ZRANB3: variants seen among roughly 807,000 people sequenced by gnomAD.
The protein encoded by ZRANB3 is zinc finger RANBP2-type containing 3.
Under a neutral mutation model 133.8 loss-of-function variants are expected in ZRANB3, and 125 were observed. The ratio of observed to expected loss-of-function variants is 0.93; its 90% CI spans 0.81 to 1.08. The LOEUF (loss-of-function observed/expected upper bound fraction) is 1.08. ZRANB3 is among the 50% of genes least tolerant of loss of function. The probability of loss-of-function intolerance (pLI) is 0.00; values close to 1 mark genes in which losing one functional copy is unlikely to be tolerated. For missense variants in ZRANB3, 1,229 were observed against 1,275.5 expected, an observed-to-expected ratio of 0.96 and a Z score of 0.56; for synonymous variants, 387 against 432.7, an observed-to-expected ratio of 0.89 and a Z score of 1.31.
At chr2:135,511,419 T>G in intron 1 of ZRANB3, 1 of 814,614 alleles carries the variant, frequency 1.2e-6, no homozygotes, top group Middle Eastern at 2.3e-4. Context: ...AACTGCCTGA[T>G]CACAGAAAGT....
At chr2:135,456,907 GC>G (rs1690544337) in intron 2 of ZRANB3, among the ~76,000 whole-genome samples, 1 of 152,180 alleles carries the variant, frequency 6.6e-6, no homozygotes, top group Non-Finnish European at 1.5e-5. Context: ...TGTAGGAGGG[GC>G]AGGATTGACA....
intron 2 of ZRANB3, among the ~76,000 whole-genome samples, chr2:135,410,465 C>T (rs1484197401): frequency 6.6e-6 from 1 of 152,134 alleles, no homozygotes; most frequent in Non-Finnish European, 1.5e-5. Context: ...CTCTACATAT[C>T]ACCATATATA....
At chr2:135,442,977 A>T (rs1026222989) in intron 2 of ZRANB3, among the ~76,000 whole-genome samples, 5 of 151,928 alleles carry the variant, frequency 3.3e-5, no homozygotes, top group African/African-American at 1.2e-4. Context: ...TTAGCCAGGC[A>T]TGGTGGCGGG....
At chr2:135,243,728 C>T (rs532234410) in intron 12 of ZRANB3, among the ~76,000 whole-genome samples, 6 of 152,116 alleles carry the variant, frequency 3.9e-5, no homozygotes, top group African/African-American at 1.4e-4. Context: ...AAGAGATGCT[C>T]TTGCCTCAGC....
chr2:135,338,259 T>C (rs998789184), intron 6 of ZRANB3, among the ~76,000 whole-genome samples: 2 of 152,194 alleles, frequency 1.3e-5, no homozygotes, highest in African/African-American at 2.4e-5. Flanking sequence ...CCATTGGGAA[T>C]AGAATACTGG....
chr2:135,207,885 A>G (rs547440239), intron 18 of ZRANB3, 49 bp from the exon 19 acceptor site: 1 of 1,516,964 alleles, frequency 6.6e-7, no homozygotes, highest in Non-Finnish European at 8.9e-7. Flanking sequence ...TGATTAGGCT[A>G]AATAGTAATT....
At chr2:135,232,741 T>C (rs546089561) in intron 12 of ZRANB3, among the ~76,000 whole-genome samples, 11 of 152,226 alleles carry the variant, frequency 7.2e-5, no homozygotes, top group Admixed American at 5.9e-4. Flanking sequence ...GTCCTGACTG[T>C]TAGAAGGAAA....
intron 1 of ZRANB3, chr2:135,510,919 GT>G: frequency 9.5e-7 from 1 of 1,048,890 alleles, no homozygotes; most frequent in Non-Finnish European, 1.5e-6. Context: ...CCAATGAAGA[GT>G]TGGTGACTGT....
rs1694957975 is a variant in ZRANB3 at position 135,230,588 on chromosome 2, AT to A, written c.1878del (p.Gln626HisfsTer30). Reference sequence around the variant, plus strand: ...TTATTGATATAGGTGCAGAGACTACATTGCCAGCCCTCTACAGGAAAGGCTG... The same window carrying A: ...TTATTGATATAGGTGCAGAGACTACATGCCAGCCCTCTACAGGAAAGGCTG... ...TTPAFPVEGW[Q>X]CSLCTYINNS... On this transcript the variant is annotated frameshift_variant, in exon 13 of 21. Transcript: ENST00000264159. LOFTEE classifies it high-confidence loss of function. 6.2e-7 allele frequency: 1 copy of A among 1,602,932 alleles called. No homozygotes were observed. The highest frequency in any genetic ancestry group is 1.3e-5 in the African/African-American group (1 of 74,396).
At chr2:135,389,345 C>T (rs1005077113) in intron 3 of ZRANB3, among the ~76,000 whole-genome samples, 4 of 152,174 alleles carry the variant, frequency 2.6e-5, no homozygotes, top group Admixed American at 6.5e-5. Flanking sequence ...CCTATATCAA[C>T]ATTTCTGTAT....
In ZRANB3 at chr2:135,278,027, A is replaced by C. The variant is rs541814058; in HGVS notation, c.967-2272T>G. On this transcript the variant is annotated intron_variant, in intron 8 of 20. Transcript: ENST00000264159. Reference sequence around the variant, plus strand: ...AAAATATATGAATAATAAAAGTCTCAGAAAACAAACAGAGAAAACTAACAA... The same window carrying C: ...AAAATATATGAATAATAAAAGTCTCCGAAAACAAACAGAGAAAACTAACAA... Among the ~76,000 whole-genome samples the C allele has an allele frequency of 4.3e-4, 65 of 152,216 alleles. 1 individual carries two copies. The highest frequency in any genetic ancestry group is 1.3e-3 in the African/African-American group (56 of 41,576).
At chr2:135,324,110 T>C (rs1360466666) in intron 6 of ZRANB3, among the ~76,000 whole-genome samples, 2 of 152,008 alleles carry the variant, frequency 1.3e-5, no homozygotes, top group Non-Finnish European at 2.9e-5. Context: ...CTTTAAGTTC[T>C]AGGGTACATG....
At chr2:135,315,759 T>C (rs1683219364) in intron 6 of ZRANB3, among the ~76,000 whole-genome samples, 1 of 152,196 alleles carries the variant, frequency 6.6e-6, no homozygotes, top group African/African-American at 2.4e-5. Flanking sequence ...CTGTTTACAC[T>C]GAGTTAATGC....
intron 2 of ZRANB3, among the ~76,000 whole-genome samples, chr2:135,415,130 CAAAA>C (rs1350372071): frequency 8.3e-6 from 1 of 119,888 alleles, no homozygotes; most frequent in Non-Finnish European, 1.7e-5. Context: ...GAAATAGAGA[CAAAA>C]AAAAAACCCT....
chr2:135,239,460 C>G (rs987352185), intron 12 of ZRANB3, among the ~76,000 whole-genome samples: 2 of 151,654 alleles, frequency 1.3e-5, no homozygotes, highest in African/African-American at 4.8e-5. Flanking sequence ...AAAATTTAGG[C>G]TGTTCCCATA....
At chr2:135,389,856 G>C (rs1213519325) in intron 3 of ZRANB3, among the ~76,000 whole-genome samples, 1 of 148,580 alleles carries the variant, frequency 6.7e-6, no homozygotes, top group Non-Finnish European at 1.5e-5. Flanking sequence ...ATTTTGAAAA[G>C]TGTATGTTTT....
intron 3 of ZRANB3, among the ~76,000 whole-genome samples, chr2:135,355,892 G>A (rs1485834155): frequency 6.6e-6 from 1 of 152,074 alleles, no homozygotes; most frequent in Non-Finnish European, 1.5e-5. Flanking sequence ...TTGCTTCCCT[G>A]GTTTTCTGGA....
At chr2:135,263,730 G>A (rs1680080685) in intron 12 of ZRANB3, among the ~76,000 whole-genome samples, 1 of 151,412 alleles carries the variant, frequency 6.6e-6, no homozygotes, top group African/African-American at 2.4e-5. Context: ...AAAAGGTAAA[G>A]GATTATAACA....
In ZRANB3 at chr2:135,434,121, C is replaced by T. The variant is rs529349113; in HGVS notation, c.162-43301G>A. ...GGGTTGCAGTGAGCCAAGATCATGC[C>T]ACTGCACTCCAGCCTGGGCAACAGA... On this transcript the variant is annotated intron_variant, in intron 2 of 20. Coordinates refer to ENST00000264159, the MANE Select transcript of ZRANB3 (RefSeq NM_032143.4). 5.3e-5 allele frequency among the ~76,000 whole-genome samples: 8 copies of T among 152,270 alleles called. No individual in the cohort carries two copies. In the East Asian group the frequency reaches 1.2e-3, roughly 22 times the overall value.
Sources: allele counts gnomAD v4.1 joint callset (sites outside exome capture counted in the v4.1 genomes callset), GRCh38; gene constraint gnomAD v4.1.1; transcripts MANE v1.5; gene names NCBI Gene and HGNC (gene_info 2026-07-23, HGNC 2026-07-21).